PIP4K2A: variants seen among roughly 807,000 people sequenced by gnomAD.
PIP4K2A encodes the protein phosphatidylinositol-5-phosphate 4-kinase type 2 alpha, also known as phosphatidylinositol 5-phosphate 4-kinase type-2 alpha.
Under a neutral mutation model 42.9 loss-of-function variants are expected in PIP4K2A, and 14 were observed. The ratio of observed to expected loss-of-function variants is 0.33; its 90% CI spans 0.22 to 0.51. PIP4K2A has a LOEUF of 0.51. Ranked by LOEUF, PIP4K2A falls within the 20% of genes least tolerant of loss-of-function variation. The probability of loss-of-function intolerance (pLI) is 0.97; values close to 1 mark genes in which losing one functional copy is unlikely to be tolerated. For synonymous variants in PIP4K2A, 192 were observed against 192.2 expected, an observed-to-expected ratio of 1.00 and a Z score of 0.01; for missense variants, 434 against 519.8, an observed-to-expected ratio of 0.83 and a Z score of 1.61.
intron 6 of PIP4K2A, among the ~76,000 whole-genome samples, chr10:22,558,285 T>C (rs1836601774): frequency 6.6e-6 from 1 of 152,234 alleles, no homozygotes; most frequent in Non-Finnish European, 1.5e-5. Flanking sequence ...TTGCCGTGCT[T>C]GCAAAAATCT....
chr10:22,658,255 C>G (rs1305519682), intron 1 of PIP4K2A, among the ~76,000 whole-genome samples: 3 of 152,002 alleles, frequency 2.0e-5, no homozygotes, highest in Non-Finnish European at 4.4e-5. Flanking sequence ...TAACAGTTAA[C>G]AAAAGGAGAC....
At chr10:22,618,662 C>T (rs945380098) in intron 1 of PIP4K2A, among the ~76,000 whole-genome samples, 2 of 152,178 alleles carry the variant, frequency 1.3e-5, no homozygotes, top group Admixed American at 6.5e-5. Flanking sequence ...GAGCTATCTG[C>T]ACACAATTTA....
At chr10:22,670,868 T>C (rs1839436370) in intron 1 of PIP4K2A, among the ~76,000 whole-genome samples, 1 of 152,166 alleles carries the variant, frequency 6.6e-6, no homozygotes, top group African/African-American at 2.4e-5. Context: ...AATGTAAGTG[T>C]GACACTAGAA....
At chr10:22,609,281 AATC>A (rs1367137551) in intron 2 of PIP4K2A, among the ~76,000 whole-genome samples, 1 of 152,234 alleles carries the variant, frequency 6.6e-6, no homozygotes, top group East Asian at 1.9e-4. Context: ...GCTGTTCATA[AATC>A]ATCATTTTCA....
At chr10:22,666,842 C>A (rs115867307) in intron 1 of PIP4K2A, among the ~76,000 whole-genome samples, 2 of 152,170 alleles carry the variant, frequency 1.3e-5, no homozygotes, top group Non-Finnish European at 2.9e-5. Flanking sequence ...TAGTCCTATA[C>A]CGATAGGAAT....
At chr10:22,707,871 T>C (rs1179158652) in intron 1 of PIP4K2A, among the ~76,000 whole-genome samples, 1 of 152,214 alleles carries the variant, frequency 6.6e-6, no homozygotes, top group Non-Finnish European at 1.5e-5. Context: ...TCCTTGAACT[T>C]GCTAGGACAT....
intron 1 of PIP4K2A, among the ~76,000 whole-genome samples, chr10:22,638,502 C>G (rs372833481): frequency 2.0e-5 from 3 of 152,118 alleles, no homozygotes; most frequent in African/African-American, 7.2e-5. Flanking sequence ...AAACTAAATA[C>G]GTAACCAAAA....
At chr10:22,606,575 A>G (rs1444486005) in intron 3 of PIP4K2A, among the ~76,000 whole-genome samples, 1 of 152,160 alleles carries the variant, frequency 6.6e-6, no homozygotes, top group Non-Finnish European at 1.5e-5. Flanking sequence ...ATTCCTGGAA[A>G]TTTTTGGCAA....
At chr10:22,646,034 T>C (rs1838874576) in intron 1 of PIP4K2A, among the ~76,000 whole-genome samples, 1 of 152,122 alleles carries the variant, frequency 6.6e-6, no homozygotes, top group Non-Finnish European at 1.5e-5. Flanking sequence ...ATAATATAAT[T>C]AACTCAGGTA....
At chr10:22,664,142 C>CGT (rs1319988593) in intron 1 of PIP4K2A, among the ~76,000 whole-genome samples, 4 of 27,958 alleles carry the variant, frequency 1.4e-4, no homozygotes, top group African/African-American at 1.4e-3. Context: ...TATATATATA[C>CGT]ATATATATAC....
intron 3 of PIP4K2A, among the ~76,000 whole-genome samples, chr10:22,594,307 G>A (rs1035163526): frequency 2.6e-5 from 4 of 152,210 alleles, no homozygotes; most frequent in Admixed American, 2.6e-4. Flanking sequence ...AAACTTTATA[G>A]TTCAGAATAA....
chr10:22,664,629 C>A (rs1839313945), intron 1 of PIP4K2A, among the ~76,000 whole-genome samples: 1 of 151,764 alleles, frequency 6.6e-6, no homozygotes, highest in Non-Finnish European at 1.5e-5. Context: ...TATATACATG[C>A]TTTTAAACAA....
rs1400541839 is a variant in PIP4K2A, at chr10:22,646,656, C to A, written c.145-36939G>T. Among the ~76,000 whole-genome samples the A allele has an allele frequency of 2.6e-5, 4 of 152,190 alleles. No individual in the cohort carries two copies. The South Asian group carries it at 6.2e-4, about 24-fold the overall frequency. On this transcript the variant is annotated intron_variant, in intron 1 of 9. Coordinates refer to ENST00000376573, the MANE Select transcript of PIP4K2A (RefSeq NM_005028.5). ...AGAGAGTAAAAGCCACAGTATACAACCTGCGTTTGTAACTTGGGAGGGACA... is the reference window on the plus strand; with the variant it reads ...AGAGAGTAAAAGCCACAGTATACAAACTGCGTTTGTAACTTGGGAGGGACA...
At chr10:22,661,549 A>G (rs896501687) in intron 1 of PIP4K2A, among the ~76,000 whole-genome samples, 14 of 151,894 alleles carry the variant, frequency 9.2e-5, no homozygotes, top group Admixed American at 9.2e-4. Context: ...TTTTTGTAGA[A>G]ACAATGTCTC....
chr10:22,563,980 A>G (rs1464610826), intron 6 of PIP4K2A, among the ~76,000 whole-genome samples: 1 of 152,142 alleles, frequency 6.6e-6, no homozygotes, highest in Non-Finnish European at 1.5e-5. Context: ...TACAGGATAA[A>G]AGCATCCTAG....
At chr10:22,626,573 G>C (rs1015863436) in intron 1 of PIP4K2A, among the ~76,000 whole-genome samples, 1 of 152,192 alleles carries the variant, frequency 6.6e-6, no homozygotes, top group Non-Finnish European at 1.5e-5. Flanking sequence ...GAGCTACCCA[G>C]TACAGTAAGT....
intron 1 of PIP4K2A, among the ~76,000 whole-genome samples, chr10:22,709,735 T>C (rs1200496516): frequency 6.6e-6 from 1 of 152,136 alleles, no homozygotes; most frequent in African/African-American, 2.4e-5. Flanking sequence ...ATCTGACAAA[T>C]GGAGAGGAAA....
intron 6 of PIP4K2A, chr10:22,567,514 C>T (rs760683950): frequency 1.7e-5 from 9 of 522,556 alleles, no homozygotes; most frequent in Admixed American, 1.4e-4. Context: ...GTCCTGGTTC[C>T]CTGACCCGCA....
At chr10:22,705,943 G>C (rs77375317) in intron 1 of PIP4K2A, among the ~76,000 whole-genome samples, 5,029 of 151,900 alleles carry the variant, frequency 0.033, 183 homozygotes, top group African/African-American at 0.092. Context: ...AGAAACTTAC[G>C]ATCATGGCAG....
Sources: gnomAD v4.1 joint callset for allele counts (sites outside exome capture counted in the v4.1 genomes callset) on GRCh38, gnomAD v4.1.1 for gene constraint, MANE v1.5 for transcripts, NCBI Gene and HGNC (gene_info 2026-07-23, HGNC 2026-07-21) for gene names.